The following GRIN2A variants were observed in gnomAD, a reference collection of about 807,000 sequenced individuals.
The protein encoded by GRIN2A is glutamate receptor ionotropic, NMDA 2A.
A neutral mutation model predicts 113.4 loss-of-function variants in GRIN2A; 22 were observed. The ratio of observed to expected loss-of-function variants is 0.19; its 90% CI spans 0.14 to 0.28. GRIN2A has a LOEUF of 0.28. Among genes scored for constraint, GRIN2A ranks in the 10% least tolerant of loss-of-function variants. The pLI is 1.00. For missense variants in GRIN2A, 1,502 were observed against 1,887.0 expected, an observed-to-expected ratio of 0.80 and a Z score of 3.78; for synonymous variants, 827 against 738.4, an observed-to-expected ratio of 1.12 and a Z score of -1.94.
chr16:9,853,353 T>A (rs1221075503), intron 4 of GRIN2A, among the ~76,000 whole-genome samples: 1 of 152,146 alleles, frequency 6.6e-6, no homozygotes, highest in East Asian at 1.9e-4. Context: ...TGGGAGCTGA[T>A]TAGGTCATGA....
intron 2 of GRIN2A, among the ~76,000 whole-genome samples, chr16:10,153,292 T>C (rs2142300212): frequency 6.6e-6 from 1 of 152,310 alleles, no homozygotes; most frequent in South Asian, 2.1e-4. Context: ...TGAAAAATGC[T>C]GCATAGCTTT....
intron 10 of GRIN2A, among the ~76,000 whole-genome samples, chr16:9,818,302 G>A (rs1055744692): frequency 6.6e-6 from 1 of 151,638 alleles, no homozygotes; most frequent in Admixed American, 6.6e-5. Context: ...CTGAGGAGTT[G>A]AAGTCATGTC....
chr16:10,119,835 T>C (rs2048799843), intron 2 of GRIN2A, among the ~76,000 whole-genome samples: 1 of 152,208 alleles, frequency 6.6e-6, no homozygotes, highest in South Asian at 2.1e-4. Context: ...ACATGTAGTA[T>C]TTGGTTTTCT....
At chr16:9,996,010 C>T (rs1596400578) in intron 2 of GRIN2A, among the ~76,000 whole-genome samples, 1 of 35,264 alleles carries the variant, frequency 2.8e-5, no homozygotes, top group Non-Finnish European at 5.1e-5. Context: ...AAAAAGAAAG[C>T]AGGCAGAGGG....
intron 11 of GRIN2A, among the ~76,000 whole-genome samples, chr16:9,772,962 C>T (rs1490775168): frequency 1.4e-5 from 2 of 145,528 alleles, no homozygotes; most frequent in Non-Finnish European, 3.0e-5. Flanking sequence ...GCACATTTCT[C>T]ATTACCAATT....
At chr16:10,021,517 A>G (rs761067614) in intron 2 of GRIN2A, among the ~76,000 whole-genome samples, 6 of 152,150 alleles carry the variant, frequency 3.9e-5, no homozygotes, top group Admixed American at 6.5e-5. Flanking sequence ...CCAGTTACCA[A>G]TGGTAGACTT....
At chr16:10,141,226 C>G (rs1200056136) in intron 2 of GRIN2A, among the ~76,000 whole-genome samples, 3 of 152,084 alleles carry the variant, frequency 2.0e-5, no homozygotes, top group Non-Finnish European at 4.4e-5. Flanking sequence ...CACAGTGGCT[C>G]ACTCCTGTAA....
chr16:9,973,542 T>C (rs2045715148), intron 2 of GRIN2A, among the ~76,000 whole-genome samples: 1 of 152,064 alleles, frequency 6.6e-6, no homozygotes, highest in Admixed American at 6.6e-5. Context: ...AGAAATTTGG[T>C]GAAAGACATA....
At chr16:9,892,582 C>A (rs538879489) in intron 3 of GRIN2A, among the ~76,000 whole-genome samples, 31 of 152,268 alleles carry the variant, frequency 2.0e-4, no homozygotes, top group African/African-American at 7.0e-4. Context: ...CATGTATAAA[C>A]TTAATTTTTG....
Position 9,876,773 on chromosome 16 carries a change from G to A in GRIN2A, c.1122+14213C>T, listed in dbSNP as rs184734201. 5.5e-4 allele frequency among the ~76,000 whole-genome samples: 83 copies of A among 152,274 alleles called. 1 individual carries two copies. Among genetic ancestry groups the A allele is most frequent in the Non-Finnish European group, 4.1e-4 (28 of 68,018 alleles). The stretch of plus-strand genomic sequence containing the variant: ...ATGCCCATATGGCTGGATGAATTAC[G>A]GTTGGTCTGATGGGCTGATGAATGG... On this transcript the variant is annotated intron_variant, in intron 4 of 12. Transcript: ENST00000330684.
At chr16:9,786,846 T>C (rs1902260597) in intron 11 of GRIN2A, among the ~76,000 whole-genome samples, 1 of 152,188 alleles carries the variant, frequency 6.6e-6, no homozygotes, top group African/African-American at 2.4e-5. Context: ...CATTTAGTCA[T>C]TGTGAGGGGC....
chr16:10,120,898 C>T (rs1185183685), intron 2 of GRIN2A, among the ~76,000 whole-genome samples: 1 of 152,272 alleles, frequency 6.6e-6, no homozygotes, highest in East Asian at 1.9e-4. Context: ...CTGTCCTCCT[C>T]CCACAGCTGT....
At chr16:9,943,589 CTT>C in intron 2 of GRIN2A, among the ~76,000 whole-genome samples, 1 of 152,312 alleles carries the variant, frequency 6.6e-6, no homozygotes, top group South Asian at 2.1e-4. Flanking sequence ...CCCATTATCT[CTT>C]TGATCCTAAC....
chr16:10,124,225 G>C (rs1363597396), intron 2 of GRIN2A, among the ~76,000 whole-genome samples: 1 of 152,144 alleles, frequency 6.6e-6, no homozygotes, highest in African/African-American at 2.4e-5. Context: ...AGGGAAAAAA[G>C]AGCACAGGTC....
At chr16:9,807,839 C>G (rs2141260318) in intron 10 of GRIN2A, among the ~76,000 whole-genome samples, 1 of 152,316 alleles carries the variant, frequency 6.6e-6, no homozygotes, top group East Asian at 1.9e-4. Flanking sequence ...AAATATTTCT[C>G]TAAGCCTTGA....
chr16:10,104,594 A>T (rs2048459799), intron 2 of GRIN2A, among the ~76,000 whole-genome samples: 1 of 152,186 alleles, frequency 6.6e-6, no homozygotes, highest in Non-Finnish European at 1.5e-5. Context: ...ATGGGAAGGA[A>T]TGGTGTTCTC....
At chr16:10,014,267 T>C (rs938726273) in intron 2 of GRIN2A, among the ~76,000 whole-genome samples, 2 of 152,234 alleles carry the variant, frequency 1.3e-5, no homozygotes, top group African/African-American at 2.4e-5. Context: ...CTGGCACTTG[T>C]AGAATAAATT....
At chr16:10,175,328 C>T (rs545636909) in intron 2 of GRIN2A, among the ~76,000 whole-genome samples, 3 of 152,086 alleles carry the variant, frequency 2.0e-5, no homozygotes, top group East Asian at 1.9e-4. Context: ...CAACAGATAG[C>T]GGCTGAGATT....
At chr16:10,179,363 A>C in intron 2 of GRIN2A, 1 of 152,276 alleles carries the variant, frequency 6.6e-6, no homozygotes, top group Admixed American at 6.5e-5. Context: ...ACTCCCACCC[A>C]CTCCCCTTGA....
Sources: allele counts gnomAD v4.1 joint callset (sites outside exome capture counted in the v4.1 genomes callset), GRCh38; gene constraint gnomAD v4.1.1; transcripts MANE v1.5; gene names NCBI Gene and HGNC (gene_info 2026-07-23, HGNC 2026-07-21).